Variants in CEP152 observed in about 807,000 individuals in gnomAD.
The protein encoded by CEP152 is centrosomal protein 152.
CEP152 carries 132 observed loss-of-function variants against 188.9 expected under a neutral mutation model. That is an observed-to-expected ratio of 0.70 (90% CI 0.61 to 0.81). The LOEUF is 0.81. Among genes scored for constraint, CEP152 ranks in the 30% least tolerant of loss-of-function variants. The probability of loss-of-function intolerance (pLI) is 0.00; values close to 1 mark genes in which losing one functional copy is unlikely to be tolerated. For missense variants in CEP152, 1,914 were observed against 1,969.8 expected (o/e 0.97, Z 0.54); for synonymous variants, 649 against 666.6 (o/e 0.97, Z 0.41).
intron 19 of CEP152, among the ~76,000 whole-genome samples, chr15:48,759,397 C>T (rs1160063763): frequency 6.6e-6 from 1 of 152,036 alleles, no homozygotes; most frequent in East Asian, 1.9e-4. Flanking sequence ...TTCCTCATTC[C>T]CTTGTTTTAA....
In CEP152 at chr15:48,741,662, T is replaced by G; in HGVS notation, c.4032A>C (p.Thr1344=). ...KIMNAASKLA[T]MAKLLETPIS... ...TAGGTGTTTCCAGTAATTTTGCCAT[T>G]GTAGCAAGTTTGCTAGCAGCATTCA... The change falls in exon 26 of 27, where the codon ACA becomes ACC. Residue 1344 remains threonine, a synonymous_variant. Coordinates refer to ENST00000380950, the MANE Select transcript of CEP152 (RefSeq NM_001194998.2). The G allele has an allele frequency of 1.2e-6, 2 of 1,614,164 alleles. No homozygotes were observed. The highest frequency in any genetic ancestry group is 1.1e-5 in the South Asian group (1 of 91,076).
intron 7 of CEP152, among the ~76,000 whole-genome samples, chr15:48,792,145 C>T (rs1008263943): frequency 6.6e-6 from 1 of 152,084 alleles, no homozygotes; most frequent in African/African-American, 2.4e-5. Flanking sequence ...GGCGCCACCA[C>T]ACACCCAGCT....
chr15:48,771,458 G>C (rs775268989), intron 13 of CEP152, among the ~76,000 whole-genome samples: 1 of 152,122 alleles, frequency 6.6e-6, no homozygotes, highest in African/African-American at 2.4e-5. Flanking sequence ...AAGAACATGG[G>C]CCAGGAAAAT....
At chr15:48,741,887 T>C in intron 25 of CEP152, 60 bp downstream of exon 25, 1 of 1,614,014 alleles carries the variant, frequency 6.2e-7, no homozygotes. Context: ...GGAAAATGCT[T>C]TAAAAATGAT....
intron 2 of CEP152, among the ~76,000 whole-genome samples, chr15:48,730,261 G>T (rs542289605): frequency 7.2e-5 from 11 of 152,180 alleles, no homozygotes; most frequent in Admixed American, 6.5e-5. Context: ...GGAGTAGAAG[G>T]AAAGGAGCCC....
At chr15:48,807,548 C>A (rs1350398347) in intron 1 of CEP152, among the ~76,000 whole-genome samples, 5 of 135,088 alleles carry the variant, frequency 3.7e-5, no homozygotes, top group African/African-American at 1.4e-4. Context: ...GGCGACAGAG[C>A]GAGACTCCGT....
intron 9 of CEP152, among the ~76,000 whole-genome samples, chr15:48,788,261 T>C (rs935091429): frequency 6.6e-6 from 1 of 151,544 alleles, no homozygotes; most frequent in Non-Finnish European, 1.5e-5. Flanking sequence ...AATAATCGTA[T>C]AAGAAGTAGG....
At chr15:48,786,494 C>T (rs1007785795) in intron 9 of CEP152, among the ~76,000 whole-genome samples, 30 of 152,226 alleles carry the variant, frequency 2.0e-4, no homozygotes, top group African/African-American at 6.7e-4. Flanking sequence ...ATAAATTTCT[C>T]AAAATATACT....
intron 12 of CEP152, among the ~76,000 whole-genome samples, chr15:48,779,884 C>G (rs140811249): frequency 6.6e-6 from 1 of 152,194 alleles, no homozygotes; most frequent in African/African-American, 2.4e-5. Flanking sequence ...AAACTGGAAG[C>G]CTTTCTTTGA....
At chr15:48,777,923 A>G (rs1187562868) in intron 12 of CEP152, among the ~76,000 whole-genome samples, 1 of 152,192 alleles carries the variant, frequency 6.6e-6, no homozygotes, top group Non-Finnish European at 1.5e-5. Context: ...TCAAAGGGGA[A>G]AAAAATCAGT....
chr15:48,785,776 A>G (rs964175797), intron 9 of CEP152, among the ~76,000 whole-genome samples: 2 of 152,164 alleles, frequency 1.3e-5, no homozygotes, highest in South Asian at 2.1e-4. Context: ...GAGTAGCTCA[A>G]TGTTTGCCAT....
intron 8 of CEP152, 51 bp from the exon 9 acceptor site, chr15:48,789,052 T>C (rs1896848621): frequency 1.4e-6 from 2 of 1,476,932 alleles, no homozygotes; most frequent in Admixed American, 1.7e-5. Flanking sequence ...CAGAGTATTT[T>C]AGCTCTGTGC....
In CEP152 at chr15:48,805,608, A is replaced by T. The variant is rs1288460118; in HGVS notation, c.42T>A (p.Asn14Lys). The T allele has an allele frequency of 2.5e-6, 4 of 1,603,684 alleles. No homozygotes were observed. In the African/African-American group the frequency reaches 5.6e-5, roughly 22 times the overall value. Residue 14 changes from asparagine to lysine, a missense_variant, in exon 2 of 27, where the codon AAT (asparagine) becomes AAA (lysine). Transcript: ENST00000380950. The stretch of plus-strand genomic sequence containing the variant: ...CCTCTTCGTCATACTCTTCATCTTC[A>T]TTTTGCACTGGTAGTGCCACACTGC... ...DFGSVALPVQ[N>K]EDEEYDEEDY...
chr15:48,805,971 A>C (rs1333382043), intron 1 of CEP152, among the ~76,000 whole-genome samples: 1 of 152,210 alleles, frequency 6.6e-6, no homozygotes, highest in African/African-American at 2.4e-5. Flanking sequence ...TAAACTAGAA[A>C]TGTGCCAAAT....
chr15:48,765,898 C>T (rs887015244), intron 17 of CEP152, among the ~76,000 whole-genome samples: 6 of 152,022 alleles, frequency 3.9e-5, no homozygotes, highest in Admixed American at 3.3e-4. Flanking sequence ...GTGATCCGCC[C>T]GTCTCGGCCT....
downstream of CEP152, among the ~76,000 whole-genome samples, chr15:48,734,485 C>T (rs73400335): frequency 0.074 from 11,104 of 149,798 alleles, 644 homozygotes; most frequent in Admixed American, 0.18. Flanking sequence ...AATTCAATAA[C>T]GAAAGATACA....
At chr15:48,763,069 G>A (rs988017380) in intron 17 of CEP152, among the ~76,000 whole-genome samples, 8 of 151,656 alleles carry the variant, frequency 5.3e-5, no homozygotes, top group African/African-American at 1.9e-4. Flanking sequence ...TCTAATTAAC[G>A]AACCAAAACC....
chr15:48,758,036 T>G (rs1352203590), intron 19 of CEP152, among the ~76,000 whole-genome samples: 1 of 152,198 alleles, frequency 6.6e-6, no homozygotes, highest in Non-Finnish European at 1.5e-5. Flanking sequence ...TGCTGCACAT[T>G]AGAATCACCT....
chr15:48,801,860 G>A (rs562251568), intron 2 of CEP152, among the ~76,000 whole-genome samples: 2 of 152,274 alleles, frequency 1.3e-5, no homozygotes, highest in African/African-American at 2.4e-5. Flanking sequence ...TTGGGAGGCC[G>A]AGGCAGTTGG....
Sources: gnomAD v4.1 joint callset for allele counts (sites outside exome capture counted in the v4.1 genomes callset) on GRCh38, gnomAD v4.1.1 for gene constraint, MANE v1.5 for transcripts, NCBI Gene and HGNC (gene_info 2026-07-23, HGNC 2026-07-21) for gene names.